ANXA10: variants seen among roughly 807,000 people sequenced by gnomAD.
The protein encoded by ANXA10 is annexin 14.
In ANXA10, 49 loss-of-function variants were observed where a neutral mutation model predicts 53.5. The ratio of observed to expected loss-of-function variants is 0.92; its 90% CI spans 0.73 to 1.16. The LOEUF (loss-of-function observed/expected upper bound fraction) is 1.16, where lower values mean the gene tolerates loss of function less well. Among genes scored for constraint, ANXA10 ranks in the 50% most tolerant of loss-of-function variants. The pLI, the probability that ANXA10 is intolerant of heterozygous loss-of-function variation, is 0.00. For missense variants in ANXA10, 393 were observed against 394.4 expected (o/e 1.00, Z 0.03); for synonymous variants, 131 against 128.9 (o/e 1.02, Z -0.11).
intron 4 of ANXA10, among the ~76,000 whole-genome samples, chr4:168,163,225 G>T (rs1175436375): frequency 6.6e-6 from 1 of 152,128 alleles, no homozygotes; most frequent in Non-Finnish European, 1.5e-5. Context: ...GTTGACTGTG[G>T]ATTTGTTACA....
intron 9 of ANXA10, among the ~76,000 whole-genome samples, chr4:168,180,649 G>A (rs1246327164): frequency 1.3e-5 from 2 of 152,218 alleles, no homozygotes; most frequent in East Asian, 1.9e-4. Flanking sequence ...TGAAGATTTC[G>A]TGTATTAAAA....
intron 2 of ANXA10, among the ~76,000 whole-genome samples, chr4:168,129,141 C>T (rs1050156520): frequency 6.6e-6 from 1 of 152,038 alleles, no homozygotes; most frequent in African/African-American, 2.4e-5. Context: ...AAGACAAGGT[C>T]GCCTTTACAG....
chr4:168,117,011 T>A (rs935907808), intron 1 of ANXA10, among the ~76,000 whole-genome samples: 4 of 16,550 alleles, frequency 2.4e-4, no homozygotes, highest in Admixed American at 1.8e-3. Flanking sequence ...ACACACACAC[T>A]ATGTGGTGTT....
chr4:168,167,494 T>G (rs181247198), intron 6 of ANXA10, among the ~76,000 whole-genome samples: 9 of 152,342 alleles, frequency 5.9e-5, no homozygotes, highest in African/African-American at 1.4e-4. Context: ...TACAATGGAT[T>G]TATCAGGACG....
chr4:168,187,595 T>G lies in ANXA10; in HGVS notation c.*161T>G, dbSNP rs758260534. On this transcript the variant is annotated 3_prime_UTR_variant, in exon 12 of 12. Transcript: ENST00000359299. The stretch of plus-strand genomic sequence containing the variant: ...ATTCTAAGCCAAAGAAAACTATGAA[T>G]GAAAGTATATGATACTGAATTTGCC... The G allele has an allele frequency of 1.6e-5, 7 of 434,240 alleles. No individual in the cohort carries two copies. Among genetic ancestry groups the G allele is most frequent in the Non-Finnish European group, 2.0e-5 (5 of 244,972 alleles). 26.9% of individuals were successfully genotyped at this position (434,240 alleles called of 1,614,324 possible).
intron 11 of ANXA10, among the ~76,000 whole-genome samples, chr4:168,185,182 AC>A (rs1279279505): frequency 6.6e-6 from 1 of 151,932 alleles, no homozygotes; most frequent in Non-Finnish European, 1.5e-5. Context: ...AAAAAAGAGA[AC>A]CCTTTACCTC....
chr4:168,103,306 TA>T (rs539741627), intron 1 of ANXA10, among the ~76,000 whole-genome samples: 373 of 152,134 alleles, frequency 2.5e-3, no homozygotes, highest in African/African-American at 8.3e-3. Context: ...ACATTTCTAT[TA>T]AGGTCTATGA....
At chr4:168,166,632 G>A (rs1479356249) in intron 6 of ANXA10, among the ~76,000 whole-genome samples, 1 of 3,906 alleles carries the variant, frequency 2.6e-4, no homozygotes. Context: ...TTTGTGTTTC[G>A]TGTGTGTGTG....
At chr4:168,115,851 T>A (rs781015924) in intron 1 of ANXA10, among the ~76,000 whole-genome samples, 1 of 152,174 alleles carries the variant, frequency 6.6e-6, no homozygotes, top group South Asian at 2.1e-4. Context: ...GCTGAGGTGA[T>A]TACCAAGGAA....
chr4:168,156,206 T>TTATATATAATATA (rs1368446784), intron 3 of ANXA10, among the ~76,000 whole-genome samples: 1 of 16,882 alleles, frequency 5.9e-5, no homozygotes, highest in African/African-American at 3.0e-4. Context: ...ATAATATATA[T>TTATATATAATATA]TATATTATAT....
chr4:168,181,163 G>A (rs1037318408), intron 9 of ANXA10, among the ~76,000 whole-genome samples: 5 of 151,872 alleles, frequency 3.3e-5, no homozygotes, highest in East Asian at 1.9e-4. Flanking sequence ...AGGCAGAGGC[G>A]GGCGGATCAT....
chr4:168,141,903 C>T (rs1374734162), intron 3 of ANXA10, among the ~76,000 whole-genome samples: 1 of 152,096 alleles, frequency 6.6e-6, no homozygotes, highest in African/African-American at 2.4e-5. Flanking sequence ...TTGTGGGGCC[C>T]TCCCTTACTA....
chr4:168,156,311 TATATATA>T (rs1256335226), intron 3 of ANXA10, among the ~76,000 whole-genome samples: 12 of 79,792 alleles, frequency 1.5e-4, no homozygotes, highest in African/African-American at 4.9e-4. Context: ...TATATAATAG[TATATATA>T]ATATATAATA....
intron 2 of ANXA10, among the ~76,000 whole-genome samples, chr4:168,131,185 T>G (rs1731151673): frequency 6.6e-6 from 1 of 151,998 alleles, no homozygotes; most frequent in Non-Finnish European, 1.5e-5. Context: ...ACTTTCAATT[T>G]GTTTGAAATT....
In ANXA10 at chr4:168,165,282, G is replaced by T. The variant is rs1217037464; in HGVS notation, c.436G>T (p.Glu146Ter). 5.0e-6 allele frequency: 8 copies of T among 1,594,846 alleles called. No homozygotes were observed. Among genetic ancestry groups the T allele is most frequent in the Non-Finnish European group, 6.8e-6 (8 of 1,168,144 alleles). ...SNNLQEDIYS[E>*]TSGHFRDTLM... ...TAACCTCCAAGAGGACATTTATTCA[G>T]AGACCTCAGGACACTTCAGAGATAC... Residue 146 changes from glutamate (E) to a stop codon, truncating the protein, a stop_gained, in exon 6 of 12, where the codon GAG becomes TAG. Coordinates refer to ENST00000359299, the MANE Select transcript of ANXA10 (RefSeq NM_007193.5). LOFTEE classifies it high-confidence loss of function.
At position 168,149,884 on chromosome 4, in the gene ANXA10, G is replaced by A. The variant is rs901249689; in HGVS notation, c.195+10304G>A. ...GAATAATATTTTTCTTCTAGTTCAC[G>A]CTGCTACTGAGGATACAACCCTTTG... On this transcript the variant is annotated intron_variant, in intron 3 of 11. Transcript: ENST00000359299. Among the ~76,000 whole-genome samples, 41 of 152,126 alleles carry A rather than the reference G, an allele frequency of 2.7e-4. 1 individual carries two copies. Among genetic ancestry groups the A allele is most frequent in the South Asian group, 2.1e-4 (1 of 4,820 alleles).
chr4:168,104,512 T>C (rs1466639871), intron 1 of ANXA10, among the ~76,000 whole-genome samples: 1 of 151,996 alleles, frequency 6.6e-6, no homozygotes, highest in Non-Finnish European at 1.5e-5. Flanking sequence ...AGTAAAACCA[T>C]GTAAGCTGGA....
chr4:168,139,653 A>ATT, intron 3 of ANXA10, 73 bp downstream of exon 3: 44 of 1,081,598 alleles, frequency 4.1e-5, no homozygotes, highest in South Asian at 1.1e-4. Flanking sequence ...GATAATAGGT[A>ATT]TTTTTTTTTT....
chr4:168,098,214 G>C (rs185179636), intron 1 of ANXA10, among the ~76,000 whole-genome samples: 78 of 151,810 alleles, frequency 5.1e-4, no homozygotes, highest in Middle Eastern at 3.4e-3. Context: ...AAAGTCATTA[G>C]ATTATCACAA....
Sources: gnomAD v4.1 joint callset for allele counts (sites outside exome capture counted in the v4.1 genomes callset) on GRCh38, gnomAD v4.1.1 for gene constraint, MANE v1.5 for transcripts, NCBI Gene and HGNC (gene_info 2026-07-23, HGNC 2026-07-21) for gene names.